FAM180A: variants seen among roughly 807,000 people sequenced by gnomAD.
FAM180A encodes family with sequence similarity 180 member A.
A neutral mutation model predicts 15.3 loss-of-function variants in FAM180A; 14 were observed. The observed-to-expected ratio is 0.92, with a 90% confidence interval of 0.61 to 1.43. The LOEUF (loss-of-function observed/expected upper bound fraction) is 1.43, where lower values mean the gene tolerates loss of function less well. Among genes scored for constraint, FAM180A ranks in the 40% most tolerant of loss-of-function variants. The pLI, the probability that FAM180A is intolerant of heterozygous loss-of-function variation, is 0.00. For synonymous variants in FAM180A, 90 were observed against 96.8 expected (o/e 0.93, Z 0.41); for missense variants, 200 against 220.8 (o/e 0.91, Z 0.60).
intron 1 of FAM180A, among the ~76,000 whole-genome samples, chr7:135,739,548 C>T (rs1796916912): frequency 6.6e-6 from 1 of 151,700 alleles, no homozygotes; most frequent in Non-Finnish European, 1.5e-5. Flanking sequence ...GGAGGCGGAG[C>T]TTGCAGTGAG....
chr7:135,744,056 A>G (rs1000068627), intron 1 of FAM180A, among the ~76,000 whole-genome samples: 3 of 152,028 alleles, frequency 2.0e-5, no homozygotes, highest in Admixed American at 2.0e-4. Context: ...TTTTTAATTG[A>G]TCTCAGCGAG....
At chr7:135,746,028 TCAA>T in intron 1 of FAM180A, among the ~76,000 whole-genome samples, 1 of 151,440 alleles carries the variant, frequency 6.6e-6, no homozygotes, top group African/African-American at 2.4e-5. Context: ...GAAAAAAAAA[TCAA>T]CTACGCGGAA....
chr7:135,735,047 A>G (rs758133353), intron 2 of FAM180A, among the ~76,000 whole-genome samples: 3 of 152,012 alleles, frequency 2.0e-5, no homozygotes, highest in Non-Finnish European at 4.4e-5. Flanking sequence ...GAATACAGGC[A>G]CCTGCCACCA....
intron 1 of FAM180A, among the ~76,000 whole-genome samples, chr7:135,744,957 C>T (rs892377427): frequency 3.9e-5 from 6 of 152,052 alleles, no homozygotes; most frequent in African/African-American, 1.4e-4. Flanking sequence ...TGAAGTGGCG[C>T]AATCATAGCT....
chr7:135,732,740 C>CACACAA (rs1491285004), intron 3 of FAM180A, among the ~76,000 whole-genome samples: 1 of 138,182 alleles, frequency 7.2e-6, no homozygotes, highest in South Asian at 2.3e-4. Flanking sequence ...CACACACACA[C>CACACAA]AAGAATGTTT....
chr7:135,747,247 G>C (rs963284070), intron 1 of FAM180A, among the ~76,000 whole-genome samples: 1 of 151,820 alleles, frequency 6.6e-6, no homozygotes, highest in Non-Finnish European at 1.5e-5. Context: ...CATCTCATAG[G>C]CCCCATAAAT....
chr7:135,733,399 T>C (rs113314246), intron 3 of FAM180A, among the ~76,000 whole-genome samples: 6,245 of 152,204 alleles, frequency 0.041, 194 homozygotes, highest in Middle Eastern at 0.088. Context: ...CAGGCTGGAG[T>C]GCAGTGGCAC....
Position 135,737,082 on chromosome 7 carries a change from T to C in FAM180A, c.177+17A>G, listed in dbSNP as rs117824095. On this transcript the variant is annotated intron_variant, in intron 2 of 3. Coordinates refer to ENST00000338588, the MANE Select transcript of FAM180A (RefSeq NM_205855.4). ...TCTTTTGGGTGACTTGGATTGAGCA[T>C]GTTCCCCTCTGCCTACCTCGTAGAG... 2.5e-4 allele frequency: 401 copies of C among 1,588,538 alleles called. 3 individuals carry two copies. In the East Asian group the frequency reaches 8.3e-3, roughly 33 times the overall value.
chr7:135,731,157 GA>G (rs1796774914), intron 3 of FAM180A, among the ~76,000 whole-genome samples: 1 of 152,082 alleles, frequency 6.6e-6, no homozygotes, highest in Admixed American at 6.6e-5. Context: ...CTGAGTACAA[GA>G]AAGCTTTCAG....
intron 1 of FAM180A, among the ~76,000 whole-genome samples, chr7:135,747,694 C>T (rs529905153): frequency 6.6e-6 from 1 of 152,262 alleles, no homozygotes; most frequent in South Asian, 2.1e-4. Flanking sequence ...GCCTGTTCTT[C>T]TTGCGGTTCT....
At position 135,734,261 on chromosome 7, in the gene FAM180A, T is replaced by G; in HGVS notation, c.236A>C (p.Glu79Ala). 6.2e-7 allele frequency: 1 copy of G among 1,613,942 alleles called. No homozygotes were observed. The highest frequency in any genetic ancestry group is 8.5e-7 in the Non-Finnish European group (1 of 1,179,856). The change falls in exon 3 of 4, where the codon GAG (glutamate) becomes GCG (alanine). Residue 79 changes from glutamate (E) to alanine (A), a missense_variant. Glu to Ala is a moderately radical substitution (Grantham distance 107, BLOSUM62 -1). Transcript: ENST00000338588. ...TGAGGCCTTCCGCAAGGAGGCCAGC[T>G]CCTCGTCCTTGATGGAGATCTGCAG... ...PDLQISIKDEELASLRKASDF... is the reference protein window; with the variant it reads ...PDLQISIKDEALASLRKASDF...
intron 3 of FAM180A, among the ~76,000 whole-genome samples, chr7:135,732,589 A>G (rs1206091737): frequency 6.6e-6 from 1 of 152,034 alleles, no homozygotes; most frequent in African/African-American, 2.4e-5. Context: ...GCTACTCGGG[A>G]GGCTGAAGCA....
chr7:135,733,704 C>T lies in FAM180A; in HGVS notation c.*271G>A. On this transcript the variant is annotated 3_prime_UTR_variant, in exon 3 of 4. Transcript: ENST00000338588. The stretch of plus-strand genomic sequence containing the variant: ...TGGGTTGAAGCATATCAGAATTCTG[C>T]CTGCCATAGGCAAACCATTCTGCCC... 1 of 1,250,302 alleles carries T rather than the reference C, an allele frequency of 8.0e-7. No individual in the cohort carries two copies. Among genetic ancestry groups the T allele is most frequent in the Non-Finnish European group, 1.0e-6 (1 of 997,254 alleles). 77.5% of individuals were successfully genotyped at this position (1,250,302 alleles called of 1,614,324 possible). A position where few individuals can be genotyped will look rare whatever the true frequency, so the allele number is the denominator to read the frequency against.
At chr7:135,737,282 G>A in intron 1 of FAM180A, 83 bp from the exon 2 acceptor site, 1 of 1,158,010 alleles carries the variant, frequency 8.6e-7, no homozygotes, top group East Asian at 2.6e-5. Flanking sequence ...GGTAGTCAAG[G>A]AGTCTTAAAA....
Position 135,730,032 on chromosome 7 carries a change from A to T in FAM180A, c.*579T>A. ...TTTTTACCACAATAAAAAAAATAAG[A>T]TTGAAATGGATTAGGAAAGTAAGGG... On this transcript the variant is annotated 3_prime_UTR_variant, in exon 4 of 4. Coordinates refer to ENST00000338588, the MANE Select transcript of FAM180A (RefSeq NM_205855.4). The T allele has an allele frequency of 2.0e-6, 2 of 984,846 alleles. No homozygotes were observed. Among genetic ancestry groups the T allele is most frequent in the Non-Finnish European group, 2.4e-6 (2 of 829,428 alleles). The allele number at this position is 984,846 out of a possible 1,614,324, so 61.0% of individuals were successfully genotyped here.
chr7:135,732,364 A>C (rs1316024013), intron 3 of FAM180A, among the ~76,000 whole-genome samples: 1 of 152,156 alleles, frequency 6.6e-6, no homozygotes, highest in East Asian at 1.9e-4. Context: ...GAAGTCTTAG[A>C]GATTATCTTA....
chr7:135,748,546 T>A lies in FAM180A; in HGVS notation c.35A>T (p.Tyr12Phe). Residue 12 changes from tyrosine (Y) to phenylalanine (F), a missense_variant, in exon 1 of 4, where the codon TAT becomes TTT. Coordinates refer to ENST00000338588, the MANE Select transcript of FAM180A (RefSeq NM_205855.4). ...GCACATAGAAGCCTCAGCATTGTAA[T>A]ACAACAGCAGAAGCAGCAACATCTT... ...HWKMLLLLLLYYNAEASMCHR... is the reference protein window; with the variant it reads ...HWKMLLLLLLFYNAEASMCHR... 1 of 1,614,138 alleles carries A rather than the reference T, an allele frequency of 6.2e-7. No individual in the cohort carries two copies. Among genetic ancestry groups the A allele is most frequent in the Non-Finnish European group, 8.5e-7 (1 of 1,179,996 alleles).
rs1235294366 is a variant in FAM180A at position 135,729,936 on chromosome 7, C to T, written c.*675G>A. 2 of 794,642 alleles carry T rather than the reference C, an allele frequency of 2.5e-6. No individual in the cohort carries two copies. Among genetic ancestry groups the T allele is most frequent in the Non-Finnish European group, 3.0e-6 (2 of 656,328 alleles). The allele number at this position is 794,642 out of a possible 1,614,324, so 49.2% of individuals were successfully genotyped here. On this transcript the variant is annotated 3_prime_UTR_variant, in exon 4 of 4. Transcript: ENST00000338588. ...AAAGTTCCGGGGGTCTGTTTCACAA[C>T]ATGCATGGAGTTAACACTGCTGTAC...
At chr7:135,730,442 G>A (rs1796765024) in intron 3 of FAM180A, among the ~76,000 whole-genome samples, 161 bp from the exon 4 acceptor site, 1 of 152,174 alleles carries the variant, frequency 6.6e-6, no homozygotes, top group Non-Finnish European at 1.5e-5. Flanking sequence ...TACTTGGGAG[G>A]CTGAGGTGGG....
Sources: gnomAD v4.1 joint callset for allele counts (sites outside exome capture counted in the v4.1 genomes callset) on GRCh38, gnomAD v4.1.1 for gene constraint, MANE v1.5 for transcripts, NCBI Gene and HGNC (gene_info 2026-07-23, HGNC 2026-07-21) for gene names.